The following FAM168A variants were observed in gnomAD, a reference collection of about 807,000 sequenced individuals.
FAM168A encodes protein FAM168A.
FAM168A carries 3 observed loss-of-function variants against 28.5 expected under a neutral mutation model. That is an observed-to-expected ratio of 0.11 (90% CI 0.05 to 0.27). FAM168A has a LOEUF of 0.27. Ranked by LOEUF, FAM168A falls within the 10% of genes least tolerant of loss-of-function variation. The pLI is 1.00. For missense variants in FAM168A, 222 were observed against 311.5 expected, an observed-to-expected ratio of 0.71 and a Z score of 2.16; for synonymous variants, 122 against 124.2, an observed-to-expected ratio of 0.98 and a Z score of 0.12.
chr11:73,435,395 G>A (rs890157062), intron 2 of FAM168A, among the ~76,000 whole-genome samples: 4 of 152,192 alleles, frequency 2.6e-5, no homozygotes, highest in African/African-American at 9.7e-5. Flanking sequence ...CATTTCAGAT[G>A]TCTTTCACTT....
intron 1 of FAM168A, among the ~76,000 whole-genome samples, chr11:73,570,031 T>C (rs987197161): frequency 2.6e-5 from 4 of 152,160 alleles, no homozygotes; most frequent in South Asian, 2.1e-4. Flanking sequence ...ATAGAATGGA[T>C]ATGAAAAGCA....
chr11:73,460,326 A>G (rs529720617), intron 2 of FAM168A, among the ~76,000 whole-genome samples: 215 of 152,140 alleles, frequency 1.4e-3, no homozygotes, highest in African/African-American at 4.9e-3. Flanking sequence ...AACCCATCTC[A>G]TACTTCTCTG....
At chr11:73,478,503 T>A (rs905025021) in intron 1 of FAM168A, among the ~76,000 whole-genome samples, 1 of 151,994 alleles carries the variant, frequency 6.6e-6, no homozygotes, top group East Asian at 1.9e-4. Flanking sequence ...AGAGATTTCT[T>A]TGGTGTGGAA....
At chr11:73,585,129 TAA>T (rs1944296836) in intron 1 of FAM168A, among the ~76,000 whole-genome samples, 1 of 152,102 alleles carries the variant, frequency 6.6e-6, no homozygotes, top group Non-Finnish European at 1.5e-5. Context: ...CAGAAACCAA[TAA>T]AGTCAGCGCT....
At chr11:73,484,693 TAG>T (rs1435416880) in intron 1 of FAM168A, among the ~76,000 whole-genome samples, 1 of 80,910 alleles carries the variant, frequency 1.2e-5, no homozygotes, top group Non-Finnish European at 3.0e-5. Context: ...TATAGATATA[TAG>T]ATATAGATAT....
chr11:73,455,516 C>T (rs1867515073), intron 2 of FAM168A, among the ~76,000 whole-genome samples: 1 of 152,178 alleles, frequency 6.6e-6, no homozygotes, highest in African/African-American at 2.4e-5. Context: ...AATACAGTGG[C>T]ACATCCCTCT....
rs76740597 is a variant in FAM168A, at chr11:73,441,384, A to G, written c.71-10614T>C. Among the ~76,000 whole-genome samples the G allele has an allele frequency of 1.0e-2, 1,518 of 152,292 alleles. 15 individuals are homozygous for G. The highest frequency in any genetic ancestry group is 0.02 in the Middle Eastern group (6 of 294). ...GGCAGGCAAAAAAATTTTAAAGTGT[A>G]ACAATATCAGGTGTTGGATAGGACC... is the stretch of plus-strand genomic sequence containing the variant. On this transcript the variant is annotated intron_variant, in intron 2 of 7. Coordinates refer to ENST00000356467, the MANE Select transcript of FAM168A (RefSeq NM_015159.3).
intron 1 of FAM168A, among the ~76,000 whole-genome samples, chr11:73,476,281 T>C (rs1283006815): frequency 1.3e-5 from 2 of 152,056 alleles, no homozygotes; most frequent in Non-Finnish European, 2.9e-5. Flanking sequence ...GCCACTAATC[T>C]ATGCCAACCC....
intron 1 of FAM168A, among the ~76,000 whole-genome samples, chr11:73,502,409 T>C (rs1027479714): frequency 2.0e-5 from 3 of 152,130 alleles, no homozygotes; most frequent in Non-Finnish European, 2.9e-5. Context: ...AATGGATAAA[T>C]TCCTGGACAC....
At chr11:73,509,325 A>T (rs1855173374) in intron 1 of FAM168A, among the ~76,000 whole-genome samples, 1 of 152,156 alleles carries the variant, frequency 6.6e-6, no homozygotes, top group Admixed American at 6.5e-5. Flanking sequence ...TTGTTAACAA[A>T]TCTCCAAGGA....
intron 1 of FAM168A, among the ~76,000 whole-genome samples, chr11:73,485,855 A>G (rs1868046357): frequency 1.3e-5 from 2 of 152,130 alleles, no homozygotes; most frequent in African/African-American, 4.8e-5. Flanking sequence ...GTTTAATAAA[A>G]AGGGTCTCTG....
At chr11:73,575,383 T>C (rs1216194271) in intron 1 of FAM168A, among the ~76,000 whole-genome samples, 1 of 152,246 alleles carries the variant, frequency 6.6e-6, no homozygotes, top group Non-Finnish European at 1.5e-5. Context: ...TGCTGTAATA[T>C]CTAACAGTTT....
chr11:73,585,871 C>CAAAAA (rs11358691), intron 1 of FAM168A, among the ~76,000 whole-genome samples: 73 of 81,574 alleles, frequency 8.9e-4, no homozygotes, highest in Non-Finnish European at 1.2e-3. Flanking sequence ...CCATCTCAAA[C>CAAAAA]AAAAAAAAAA....
chr11:73,488,843 CA>C (rs1590811521), intron 1 of FAM168A, among the ~76,000 whole-genome samples: 1 of 152,178 alleles, frequency 6.6e-6, no homozygotes, highest in Non-Finnish European at 1.5e-5. Flanking sequence ...ATAAAATAAA[CA>C]AAAAGTTCTG....
chr11:73,512,643 T>C (rs1176938238), intron 1 of FAM168A, among the ~76,000 whole-genome samples: 4 of 151,936 alleles, frequency 2.6e-5, no homozygotes, highest in African/African-American at 9.7e-5. Context: ...GTCAGAGAGC[T>C]AGGAATTGGC....
intron 2 of FAM168A, among the ~76,000 whole-genome samples, chr11:73,448,680 T>C (rs1436893915): frequency 6.6e-6 from 1 of 152,176 alleles, no homozygotes; most frequent in Non-Finnish European, 1.5e-5. Context: ...ATTTGGGTCT[T>C]TGCTTTCCTA....
intron 1 of FAM168A, among the ~76,000 whole-genome samples, chr11:73,536,077 C>T (rs969621732): frequency 6.6e-6 from 1 of 152,062 alleles, no homozygotes; most frequent in African/African-American, 2.4e-5. Context: ...AAATTCTCGT[C>T]TCAAGCAATC....
intron 2 of FAM168A, among the ~76,000 whole-genome samples, chr11:73,447,263 A>G (rs915311672): frequency 6.6e-6 from 1 of 152,004 alleles, no homozygotes; most frequent in Non-Finnish European, 1.5e-5. Flanking sequence ...GTTTTCTCAA[A>G]TATTGCTGGG....
At chr11:73,466,494 G>T (rs997220464) in intron 2 of FAM168A, among the ~76,000 whole-genome samples, 3 of 151,986 alleles carry the variant, frequency 2.0e-5, no homozygotes, top group African/African-American at 7.2e-5. Context: ...TATGATTAAT[G>T]AAATTATAAT....
Sources: allele counts gnomAD v4.1 joint callset (sites outside exome capture counted in the v4.1 genomes callset), GRCh38; gene constraint gnomAD v4.1.1; transcripts MANE v1.5; gene names NCBI Gene and HGNC (gene_info 2026-07-23, HGNC 2026-07-21).